The following KIAA0319 variants were observed in gnomAD, a reference collection of about 807,000 sequenced individuals.
KIAA0319 encodes the protein KIAA0319.
A neutral mutation model predicts 108.4 loss-of-function variants in KIAA0319; 83 were observed. That is an observed-to-expected ratio of 0.77 (90% CI 0.64 to 0.92). The LOEUF (loss-of-function observed/expected upper bound fraction) is 0.92. KIAA0319 is among the 40% of genes least tolerant of loss of function. KIAA0319 has a pLI of 0.00. For missense variants in KIAA0319, 1,195 were observed against 1,322.4 expected (o/e 0.90, Z 1.49); for synonymous variants, 484 against 510.4 (o/e 0.95, Z 0.70).
rs1183108398 is a variant in KIAA0319, at chr6:24,627,220, AT to A, written c.-106+18515del. Among the ~76,000 whole-genome samples the A allele has an allele frequency of 1.8e-4, 28 of 152,346 alleles. 1 individual carries two copies. Among genetic ancestry groups the A allele is most frequent in the Admixed American group, 1.3e-3 (20 of 15,304 alleles). On this transcript the variant is annotated intron_variant, in intron 1 of 20. Coordinates refer to ENST00000378214, the MANE Select transcript of KIAA0319 (RefSeq NM_014809.4). ...GTTCCCATGTTGTTAGATCAACAGA[AT>A]GCTGTAAGAATTATGGGCTGGCAGG...
At chr6:24,595,440 G>C (rs566731722) in intron 3 of KIAA0319, among the ~76,000 whole-genome samples, 10 of 151,660 alleles carry the variant, frequency 6.6e-5, no homozygotes, top group Non-Finnish European at 1.0e-4. Flanking sequence ...CCAGCTACTC[G>C]GGAGGCTGAG....
chr6:24,565,403 TG>T (rs1466486248), intron 14 of KIAA0319, among the ~76,000 whole-genome samples: 1 of 146,758 alleles, frequency 6.8e-6, no homozygotes, highest in East Asian at 1.9e-4. Context: ...AGTGATCTAA[TG>T]GGGGTAAAAT....
intron 1 of KIAA0319, among the ~76,000 whole-genome samples, chr6:24,640,046 T>TTAACA (rs1776721432): frequency 1.4e-4 from 2 of 14,616 alleles, no homozygotes; most frequent in Admixed American, 2.1e-3. Context: ...AAAACATTTA[T>TTAACA]TTAGATTTTT....
At chr6:24,603,960 A>C (rs1184166704) in intron 1 of KIAA0319, among the ~76,000 whole-genome samples, 1 of 152,038 alleles carries the variant, frequency 6.6e-6, no homozygotes, top group Non-Finnish European at 1.5e-5. Flanking sequence ...GGTAGGTGAA[A>C]AGGGCCTTTA....
rs377669515 is a variant in KIAA0319, at chr6:24,569,721, A to G, written c.1991+182T>C. ...CAAGCTCTACCTCCCTCCGCTGTCA[A>G]TGATGTCCATCCACACTTAATGTAC... On this transcript the variant is annotated intron_variant, in intron 12 of 20. Coordinates refer to ENST00000378214, the MANE Select transcript of KIAA0319 (RefSeq NM_014809.4). Among the ~76,000 whole-genome samples the G allele has an allele frequency of 7.5e-4, 114 of 152,300 alleles. No homozygotes were observed. In the South Asian group the frequency reaches 0.023, roughly 30 times the overall value.
At chr6:24,620,917 C>T (rs138591319) in intron 1 of KIAA0319, among the ~76,000 whole-genome samples, 1 of 152,136 alleles carries the variant, frequency 6.6e-6, no homozygotes, top group Non-Finnish European at 1.5e-5. Context: ...AGCACCTATG[C>T]GTATGCCTAG....
chr6:24,596,599 G>T lies in KIAA0319; in HGVS notation c.75C>A (p.Cys25Ter). The part of the protein sequence containing the change: ...VTIAGCARKQ[C>*]SEGRTYSNAV... The stretch of plus-strand genomic sequence containing the variant: ...CATTGGAATATGTCCTCCCCTCGCT[G>T]CACTGCTTACGGGCACAACCTTTAA... The change falls in exon 3 of 21, where the codon TGC becomes TGA. Residue 25 changes from cysteine (C) to a stop codon, truncating the protein, a stop_gained. Transcript: ENST00000378214. LOFTEE classifies it high-confidence loss of function. The T allele has an allele frequency of 6.2e-7, 1 of 1,609,800 alleles. No homozygotes were observed.
chr6:24,565,684 C>A (rs1439588136), intron 14 of KIAA0319, among the ~76,000 whole-genome samples: 1 of 130,558 alleles, frequency 7.7e-6, no homozygotes, highest in Non-Finnish European at 1.5e-5. Context: ...ACTCGGGCAG[C>A]GGAGGTTGCA....
chr6:24,551,578 G>T, intron 19 of KIAA0319, 53 bp from the exon 20 acceptor site: 1 of 1,244,314 alleles, frequency 8.0e-7, no homozygotes, highest in Non-Finnish European at 1.2e-6. Flanking sequence ...GTAACTGAGA[G>T]CTAGGATTTA....
chr6:24,599,733 A>T lies in KIAA0319; in HGVS notation c.55+1316T>A. ...CTTCAGGGCCATGGTTGTGAAGAAG[A>T]TCGAGATTTGTGATAGGAAACTGGT... On this transcript the variant is annotated intron_variant, in intron 2 of 20. Coordinates refer to ENST00000378214, the MANE Select transcript of KIAA0319 (RefSeq NM_014809.4). This position sits in a 1 kb window ranked among gnomAD's most constrained non-coding sequence, Gnocchi z 4.1. 1.8e-6 allele frequency: 1 copy of T among 560,690 alleles called. No individual in the cohort carries two copies. Among genetic ancestry groups the T allele is most frequent in the Non-Finnish European group, 3.3e-6 (1 of 305,210 alleles). 34.7% of individuals were successfully genotyped at this position (560,690 alleles called of 1,614,324 possible).
intron 1 of KIAA0319, among the ~76,000 whole-genome samples, chr6:24,615,077 C>T (rs1772963390): frequency 1.3e-5 from 2 of 152,092 alleles, no homozygotes; most frequent in Admixed American, 6.5e-5. Flanking sequence ...CTGTAATATA[C>T]AGTATTTAGA....
At position 24,572,508 on chromosome 6, in the gene KIAA0319, A is replaced by G. The variant is rs1764861426; in HGVS notation, c.1858+67T>C. 1.3e-6 allele frequency: 2 copies of G among 1,562,008 alleles called. 1 individual carries two copies. ...GTACCACCAAGTGTGGCATCTCCAA[A>G]CCCCAGAAGCCCAGCTATCATTTCT... On this transcript the variant is annotated intron_variant, in intron 11 of 20. Transcript: ENST00000378214.
At chr6:24,631,393 A>C (rs1465971560) in intron 1 of KIAA0319, among the ~76,000 whole-genome samples, 1 of 152,236 alleles carries the variant, frequency 6.6e-6, no homozygotes, top group Non-Finnish European at 1.5e-5. Context: ...AACAGATAAG[A>C]GAACAATTGA....
intron 3 of KIAA0319, among the ~76,000 whole-genome samples, chr6:24,594,781 T>A (rs1769195806): frequency 6.6e-6 from 1 of 152,108 alleles, no homozygotes; most frequent in Non-Finnish European, 1.5e-5. Context: ...GAAGGAAAAC[T>A]TTTCCTTTAA....
At chr6:24,633,399 C>A (rs950050337) in intron 1 of KIAA0319, among the ~76,000 whole-genome samples, 1 of 152,048 alleles carries the variant, frequency 6.6e-6, no homozygotes, top group Non-Finnish European at 1.5e-5. Flanking sequence ...GAATGTGAAA[C>A]CTCATTCAAC....
At chr6:24,624,327 G>A (rs1034797675) in intron 1 of KIAA0319, among the ~76,000 whole-genome samples, 1 of 150,160 alleles carries the variant, frequency 6.7e-6, no homozygotes, top group Non-Finnish European at 1.5e-5. Flanking sequence ...GTTGTGAGCC[G>A]CCATGCCAGG....
At chr6:24,631,945 T>G (rs772767635) in intron 1 of KIAA0319, among the ~76,000 whole-genome samples, 22 of 152,246 alleles carry the variant, frequency 1.4e-4, no homozygotes, top group Non-Finnish European at 3.1e-4. Context: ...TGTGCCAAAT[T>G]CTGAAGACAG....
chr6:24,580,181 A>G (rs1468067387), intron 7 of KIAA0319, among the ~76,000 whole-genome samples: 1 of 152,178 alleles, frequency 6.6e-6, no homozygotes, highest in Non-Finnish European at 1.5e-5. Flanking sequence ...CTCAGTGAAG[A>G]TGTACAATAA....
intron 1 of KIAA0319, among the ~76,000 whole-genome samples, chr6:24,628,857 T>C (rs1775095031): frequency 6.6e-6 from 1 of 152,112 alleles, no homozygotes; most frequent in South Asian, 2.1e-4. Context: ...AATTTTCCTC[T>C]TATAAGGGCA....
Sources: gnomAD v4.1 joint callset for allele counts (sites outside exome capture counted in the v4.1 genomes callset) on GRCh38, gnomAD v4.1.1 for gene constraint, Gnocchi (gnomAD v3.1) non-coding constraint, MANE v1.5 for transcripts, NCBI Gene and HGNC (gene_info 2026-07-23, HGNC 2026-07-21) for gene names.